The following SLIT3 variants were observed in gnomAD, a reference collection of about 807,000 sequenced individuals.
SLIT3 encodes the protein slit homolog 3 protein.
Under a neutral mutation model 184.0 loss-of-function variants are expected in SLIT3, and 68 were observed. The observed-to-expected ratio is 0.37, with a 90% confidence interval of 0.30 to 0.45. The LOEUF (loss-of-function observed/expected upper bound fraction) is 0.45, where lower values mean the gene tolerates loss of function less well. Among genes scored for constraint, SLIT3 ranks in the 20% least tolerant of loss-of-function variants. SLIT3 has a pLI of 1.00. For missense variants in SLIT3, 1,707 were observed against 2,026.0 expected (o/e 0.84, Z 3.02); for synonymous variants, 831 against 828.6 (o/e 1.00, Z -0.05).
At chr5:169,069,640 T>C (rs544626249) in intron 4 of SLIT3, among the ~76,000 whole-genome samples, 19 of 151,956 alleles carry the variant, frequency 1.3e-4, no homozygotes, top group Non-Finnish European at 2.5e-4. Context: ...TTATGACAGG[T>C]AGAGGCAATA....
chr5:169,247,319 G>T (rs1050583927), intron 2 of SLIT3, among the ~76,000 whole-genome samples: 2 of 152,040 alleles, frequency 1.3e-5, no homozygotes, highest in African/African-American at 2.4e-5. Context: ...AGCACGTCAC[G>T]CTAAATAGGG....
intron 4 of SLIT3, among the ~76,000 whole-genome samples, chr5:168,929,959 G>A (rs34403007): frequency 6.6e-6 from 1 of 152,174 alleles, no homozygotes; most frequent in Non-Finnish European, 1.5e-5. Flanking sequence ...CAGTGTCTTA[G>A]GACTCAGAGC....
At chr5:168,992,111 T>C (rs1755350463) in intron 4 of SLIT3, among the ~76,000 whole-genome samples, 2 of 152,260 alleles carry the variant, frequency 1.3e-5, no homozygotes, top group South Asian at 2.1e-4. Flanking sequence ...GCCTTTGCCA[T>C]TGGACTTGGC....
intron 4 of SLIT3, among the ~76,000 whole-genome samples, chr5:169,141,889 A>G (rs1761755404): frequency 6.6e-6 from 1 of 151,408 alleles, no homozygotes; most frequent in Non-Finnish European, 1.5e-5. Flanking sequence ...ATCTCTACTA[A>G]AAATACAAAA....
Position 169,152,387 on chromosome 5 carries a change from G to A in SLIT3, c.413+41092C>T, listed in dbSNP as rs144111943. ...ATCCCTCAGCTTCTGCAGGTGTCCCGCGTGCATGCATCTCAGCAGGCTGAG... is the reference window on the plus strand; with the variant it reads ...ATCCCTCAGCTTCTGCAGGTGTCCCACGTGCATGCATCTCAGCAGGCTGAG... On this transcript the variant is annotated intron_variant, in intron 4 of 35. Coordinates refer to ENST00000519560, the MANE Select transcript of SLIT3 (RefSeq NM_003062.4). Among the ~76,000 whole-genome samples, 430 of 152,258 alleles carry A rather than the reference G, an allele frequency of 2.8e-3. 2 individuals carry two copies. Among genetic ancestry groups the A allele is most frequent in the African/African-American group, 9.8e-3 (407 of 41,538 alleles).
intron 32 of SLIT3, among the ~76,000 whole-genome samples, chr5:168,682,106 T>C (rs1254402042): frequency 6.6e-6 from 1 of 152,198 alleles, no homozygotes; most frequent in Non-Finnish European, 1.5e-5. Context: ...GGGACACAGA[T>C]GTTAGGCGGC....
chr5:169,265,156 AAAACAAACAAAC>A (rs35338338), intron 1 of SLIT3, among the ~76,000 whole-genome samples: 2 of 150,916 alleles, frequency 1.3e-5, no homozygotes, highest in African/African-American at 2.4e-5. Context: ...TCCATGCTCA[AAAACAAACAAAC>A]AAACAAACAA....
At chr5:168,909,546 C>G (rs553357550) in intron 4 of SLIT3, among the ~76,000 whole-genome samples, 10 of 152,250 alleles carry the variant, frequency 6.6e-5, no homozygotes, top group African/African-American at 2.4e-4. Context: ...ATTGAGCTTG[C>G]GTTGTTATTT....
At chr5:168,683,044 C>A (rs984727414) in intron 32 of SLIT3, among the ~76,000 whole-genome samples, 8 of 152,060 alleles carry the variant, frequency 5.3e-5, no homozygotes, top group Non-Finnish European at 1.0e-4. Flanking sequence ...CCCAGATGTT[C>A]ATTCCTTAAG....
intron 3 of SLIT3, among the ~76,000 whole-genome samples, chr5:169,224,190 T>C (rs1250180134): frequency 1.3e-5 from 2 of 152,000 alleles, no homozygotes; most frequent in Non-Finnish European, 2.9e-5. Context: ...ATGCACTCCA[T>C]AGAGTAACGG....
chr5:169,198,990 TTATA>T (rs570660334), intron 3 of SLIT3, among the ~76,000 whole-genome samples: 1 of 133,522 alleles, frequency 7.5e-6, no homozygotes. Context: ...GTGTGTATAT[TTATA>T]TATATATATA....
At chr5:168,990,157 G>A (rs998026087) in intron 4 of SLIT3, among the ~76,000 whole-genome samples, 1 of 152,000 alleles carries the variant, frequency 6.6e-6, no homozygotes, top group Admixed American at 6.6e-5. Flanking sequence ...TCTACATCAG[G>A]GTCCATCAGG....
intron 4 of SLIT3, among the ~76,000 whole-genome samples, chr5:168,946,517 G>C (rs1300231041): frequency 6.6e-6 from 1 of 152,234 alleles, no homozygotes; most frequent in African/African-American, 2.4e-5. Flanking sequence ...TGGTCCCATA[G>C]TGTTCCCCAG....
chr5:168,788,508 A>G (rs377345674), intron 11 of SLIT3, among the ~76,000 whole-genome samples: 45 of 152,318 alleles, frequency 3.0e-4, no homozygotes, highest in East Asian at 1.3e-3. Context: ...GCCAGACAGC[A>G]TGGGTTCAAA....
rs749060522 is a variant in SLIT3 at position 168,687,110 on chromosome 5, C to G, written c.3183G>C (p.Glu1061Asp). ...GCTTCCCGCTGTAGCCAGGGACACA[C>G]TCGCAGCTGGAACATAGGCAGAGGC... ...CIPLDKGFSCECVPGYSGKLC... is the reference protein window; with the variant it reads ...CIPLDKGFSCDCVPGYSGKLC... Residue 1061 changes from glutamate to aspartate, a missense_variant, in exon 30 of 36, where the codon GAG becomes GAC. Physicochemically the swap from Glu to Asp is conservative, Grantham distance 45. Around this residue, in one of 3 missense-constraint regions of SLIT3, gnomAD observed 1,307 missense variants for 1,511.6 expected, o/e 0.86. Transcript: ENST00000519560. 1.2e-6 allele frequency: 2 copies of G among 1,613,796 alleles called. No individual in the cohort carries two copies. Among genetic ancestry groups the G allele is most frequent in the Admixed American group, 1.7e-5 (1 of 60,008 alleles).
intron 4 of SLIT3, among the ~76,000 whole-genome samples, chr5:169,059,137 T>TA (rs1013346704): frequency 9.2e-5 from 14 of 152,212 alleles, no homozygotes; most frequent in African/African-American, 3.4e-4. Flanking sequence ...AGGCATCCTT[T>TA]GACTTCTTGG....
At chr5:168,872,567 A>C (rs1263893474) in intron 5 of SLIT3, among the ~76,000 whole-genome samples, 8 of 150,204 alleles carry the variant, frequency 5.3e-5, no homozygotes, top group Admixed American at 5.3e-4. Flanking sequence ...CTAAAAATAT[A>C]AAAATGCTCT....
At chr5:168,682,037 C>T (rs1358167292) in intron 32 of SLIT3, among the ~76,000 whole-genome samples, 2 of 152,236 alleles carry the variant, frequency 1.3e-5, no homozygotes, top group African/African-American at 4.8e-5. Context: ...TCACAGGCTG[C>T]CCTGGCCCTG....
Position 169,091,851 on chromosome 5 carries a change from T to A in SLIT3, c.413+101628A>T, listed in dbSNP as rs138393150. ...ACAGATGGCATGGGCTGGGCCAAGG[T>A]CCTTCTGGAAATCACATTGCCCAAG... On this transcript the variant is annotated intron_variant, in intron 4 of 35. Transcript: ENST00000519560. Among the ~76,000 whole-genome samples the A allele has an allele frequency of 3.2e-4, 49 of 152,274 alleles. 2 individuals carry two copies. The highest frequency in any genetic ancestry group is 1.2e-3 in the African/African-American group (48 of 41,560).
Sources: gnomAD v4.1 joint callset for allele counts (sites outside exome capture counted in the v4.1 genomes callset) on GRCh38, gnomAD v4.1.1 for gene constraint, gnomAD v4.1.1 regional missense constraint, MANE v1.5 for transcripts, NCBI Gene and HGNC (gene_info 2026-07-23, HGNC 2026-07-21) for gene names.